The following RASGRF2 variants were observed in gnomAD, a reference collection of about 807,000 sequenced individuals.
RASGRF2 encodes Ras protein specific guanine nucleotide releasing factor 2.
RASGRF2 carries 76 observed loss-of-function variants against 151.0 expected under a neutral mutation model. The ratio of observed to expected loss-of-function variants is 0.50; its 90% confidence interval spans 0.42 to 0.61. The LOEUF is 0.61. Among genes scored for constraint, RASGRF2 ranks in the 20% least tolerant of loss-of-function variants. The pLI is 0.00. For missense variants in RASGRF2, 1,148 were observed against 1,564.6 expected (o/e 0.73, Z 4.49); for synonymous variants, 504 against 566.5 (o/e 0.89, Z 1.57).
chr5:81,164,924 T>A (rs553694527), intron 17 of RASGRF2, among the ~76,000 whole-genome samples: 26 of 152,330 alleles, frequency 1.7e-4, no homozygotes, highest in Non-Finnish European at 3.5e-4. Context: ...TTGAAAGTTT[T>A]CAACATTGAG....
intron 1 of RASGRF2, among the ~76,000 whole-genome samples, chr5:81,021,982 G>A (rs1053736254): frequency 2.6e-5 from 4 of 152,162 alleles, no homozygotes; most frequent in Admixed American, 6.5e-5. Context: ...CTTGGTGGGG[G>A]TCTTCAGACC....
At chr5:81,214,721 A>G (rs1054881625) in intron 23 of RASGRF2, among the ~76,000 whole-genome samples, 2 of 152,346 alleles carry the variant, frequency 1.3e-5, no homozygotes, top group African/African-American at 4.8e-5. Flanking sequence ...TTCTCCAGGC[A>G]GGACCTGGAT....
intron 26 of RASGRF2, among the ~76,000 whole-genome samples, chr5:81,222,784 G>GA (rs1249203166): frequency 6.6e-6 from 1 of 151,848 alleles, no homozygotes; most frequent in African/African-American, 2.4e-5. Flanking sequence ...ATTTGAACAG[G>GA]AAAAAATTCA....
chr5:80,960,876 C>T lies in RASGRF2; in HGVS notation c.138C>T (p.Leu46=), dbSNP rs1580139128. The T allele has an allele frequency of 1.2e-6, 2 of 1,613,450 alleles. No homozygotes were observed. Among genetic ancestry groups the T allele is most frequent in the Middle Eastern group, 1.7e-4 (1 of 5,980 alleles). The change falls in exon 1 of 27, where the codon CTC becomes CTT. Residue 46 remains leucine, a synonymous_variant. Transcript: ENST00000265080. The surrounding 1 kb of genome is among the most constrained non-coding windows in gnomAD (Gnocchi z 5.5). The part of the protein sequence containing the change: ...ASRWHEKWFA[L]YQNVLFYFEG... Reference sequence around the variant, plus strand: ...GCTGGCACGAGAAGTGGTTCGCCCTCTACCAGAATGTGCTCTTCTACTTCG... The same window carrying T: ...GCTGGCACGAGAAGTGGTTCGCCCTTTACCAGAATGTGCTCTTCTACTTCG...
rs115071818 is a variant in RASGRF2, at chr5:81,229,420, G to A, written c.*3650G>A. ...TTATAGATACCACCGTGTAATAGAA[G>A]ACTTAAGTCAATGAAATCTAATCAG... On this transcript the variant is annotated 3_prime_UTR_variant, in exon 27 of 27. Transcript: ENST00000265080. 1 of 152,098 alleles carries A rather than the reference G, an allele frequency of 6.6e-6. No individual in the cohort carries two copies. Among genetic ancestry groups the A allele is most frequent in the Non-Finnish European group, 1.5e-5 (1 of 68,022 alleles). The allele number at this position is 152,098 out of a possible 1,614,324, so 9.4% of individuals were successfully genotyped here.
chr5:81,166,690 G>A (rs1754518426), intron 17 of RASGRF2, among the ~76,000 whole-genome samples: 1 of 152,032 alleles, frequency 6.6e-6, no homozygotes. Flanking sequence ...GGTAATTGAG[G>A]TCAGCGAAAG....
chr5:81,179,073 T>G (rs189872229), intron 17 of RASGRF2, among the ~76,000 whole-genome samples: 49 of 152,312 alleles, frequency 3.2e-4, no homozygotes, highest in African/African-American at 1.1e-3. Context: ...ACTGAAGTTA[T>G]GTAAGGCTTT....
intron 10 of RASGRF2, 45 bp from the exon 11 acceptor site, chr5:81,094,251 A>G (rs760278997): frequency 7.4e-6 from 11 of 1,488,542 alleles, no homozygotes; most frequent in Admixed American, 1.7e-5. Context: ...TTCCCAATCT[A>G]CACAAGACCT....
intron 12 of RASGRF2, among the ~76,000 whole-genome samples, chr5:81,097,767 G>C (rs1009232906): frequency 5.3e-5 from 8 of 152,092 alleles, no homozygotes; most frequent in Non-Finnish European, 8.8e-5. Context: ...GCTGGAGTAG[G>C]GTATGCGAGA....
intron 3 of RASGRF2, 51 bp from the exon 4 acceptor site, chr5:81,070,441 C>T: frequency 6.9e-7 from 1 of 1,451,464 alleles, no homozygotes; most frequent in Admixed American, 1.7e-5. Flanking sequence ...GTGTGTATGG[C>T]TATAATCCAG....
chr5:80,985,146 A>G (rs1269583864), intron 1 of RASGRF2, among the ~76,000 whole-genome samples: 2 of 152,082 alleles, frequency 1.3e-5, no homozygotes, highest in Admixed American at 6.6e-5. Context: ...TGGGATGCGG[A>G]GATTGCAGTG....
Position 81,225,933 on chromosome 5 carries a change from G to A in RASGRF2, c.*163G>A. The A allele has an allele frequency of 4.1e-6, 3 of 731,902 alleles. No individual in the cohort carries two copies. The highest frequency in any genetic ancestry group is 3.9e-5 in the Admixed American group (1 of 25,418). The allele number at this position is 731,902 out of a possible 1,614,324, so 45.3% of individuals were successfully genotyped here. ...TCTGTCTCCAGAGAGAAACCCAGCT[G>A]TTTGGGTCAAAGACAGATGCTTCAG... On this transcript the variant is annotated 3_prime_UTR_variant, in exon 27 of 27. Transcript: ENST00000265080.
At chr5:81,006,929 C>G (rs1749288930) in intron 1 of RASGRF2, among the ~76,000 whole-genome samples, 1 of 152,138 alleles carries the variant, frequency 6.6e-6, no homozygotes, top group Non-Finnish European at 1.5e-5. Flanking sequence ...GACATTGTCC[C>G]AGGCCATTGT....
rs79277692 is a variant in RASGRF2 at position 81,060,427 on chromosome 5, G to A, written c.396-7605G>A. Among the ~76,000 whole-genome samples the A allele has an allele frequency of 4.3e-4, 60 of 138,130 alleles. 1 individual carries two copies. In the East Asian group the frequency reaches 0.011, roughly 25 times the overall value. The allele number at this position is 138,130 out of a possible 152,430, so 90.6% of individuals were successfully genotyped here. On this transcript the variant is annotated intron_variant, in intron 2 of 26. Coordinates refer to ENST00000265080, the MANE Select transcript of RASGRF2 (RefSeq NM_006909.3). Reference sequence around the variant, plus strand: ...TTTCTCCATGAAAGCAGCCCTCACCGCTTGGTTAAAATTGTAACCTCTGCC... The same window carrying A: ...TTTCTCCATGAAAGCAGCCCTCACCACTTGGTTAAAATTGTAACCTCTGCC...
At chr5:81,047,535 C>T (rs1005009038) in intron 2 of RASGRF2, among the ~76,000 whole-genome samples, 1 of 152,208 alleles carries the variant, frequency 6.6e-6, no homozygotes, top group Non-Finnish European at 1.5e-5. Flanking sequence ...TCTCTTCCCT[C>T]CCCTCAGGGT....
At chr5:81,015,553 G>A (rs558835415) in intron 1 of RASGRF2, among the ~76,000 whole-genome samples, 47 of 151,624 alleles carry the variant, frequency 3.1e-4, no homozygotes, top group African/African-American at 3.9e-4. Context: ...TAATTTTTTC[G>A]TTTTATTTGT....
intron 1 of RASGRF2, among the ~76,000 whole-genome samples, chr5:81,025,532 G>T (rs376827391): frequency 2.4e-4 from 36 of 152,302 alleles, no homozygotes; most frequent in Middle Eastern, 6.8e-3. Context: ...GAGTTTGGCC[G>T]TTTCAAATCT....
intron 2 of RASGRF2, among the ~76,000 whole-genome samples, chr5:81,062,887 A>T (rs1353156065): frequency 1.3e-5 from 2 of 152,110 alleles, no homozygotes; most frequent in African/African-American, 2.4e-5. Flanking sequence ...GGGGATAGTA[A>T]GTTTTTCCTG....
intron 1 of RASGRF2, among the ~76,000 whole-genome samples, chr5:81,010,380 G>C (rs1749418637): frequency 6.6e-6 from 1 of 152,144 alleles, no homozygotes; most frequent in East Asian, 1.9e-4. Context: ...CATGGTATTT[G>C]GCTTGTATTT....
Sources: allele counts gnomAD v4.1 joint callset (sites outside exome capture counted in the v4.1 genomes callset), GRCh38; gene constraint gnomAD v4.1.1; non-coding constraint Gnocchi (gnomAD v3.1); transcripts MANE v1.5; gene names NCBI Gene and HGNC (gene_info 2026-07-23, HGNC 2026-07-21).